Variants in UGT2B11 observed in about 807,000 individuals in gnomAD.
UGT2B11 encodes the protein UDP-glucuronosyltransferase 2B11.
UGT2B11 carries 49 observed loss-of-function variants against 51.7 expected under a neutral mutation model. The observed-to-expected ratio is 0.95, with a 90% CI of 0.75 to 1.20. UGT2B11 has a LOEUF of 1.20. Among genes scored for constraint, UGT2B11 ranks in the 50% most tolerant of loss-of-function variants. UGT2B11 has a pLI of 0.00. For missense variants in UGT2B11, 810 were observed against 622.1 expected (o/e 1.30, Z -3.21); for synonymous variants, 273 against 209.0 (o/e 1.31, Z -2.64).
intron 5 of UGT2B11, chr4:69,204,187 A>T: frequency 2.7e-6 from 1 of 375,918 alleles, no homozygotes. Context: ...TATATTATCT[A>T]TATCATTTTA....
chr4:69,204,314 T>C, intron 5 of UGT2B11, 116 bp downstream of exon 5: 2 of 1,459,570 alleles, frequency 1.4e-6, no homozygotes, highest in Non-Finnish European at 1.8e-6. Flanking sequence ...AGATTGGTTA[T>C]ATCATTTAAA....
chr4:69,204,290 A>G (rs1721767215), intron 5 of UGT2B11, 140 bp downstream of exon 5: 10 of 1,337,762 alleles, frequency 7.5e-6, no homozygotes, highest in Non-Finnish European at 1.0e-5. Flanking sequence ...GATGATAAAA[A>G]CAAAGCAGAT....
rs763711444 is a variant in UGT2B11, at chr4:69,208,428, G to A, written c.925C>T (p.Leu309=). ...GTCATGTTACTTATCACTGACCCCAGAGAAAACACCACAACACCATTTTCT... is the reference window on the plus strand; with the variant it reads ...GTCATGTTACTTATCACTGACCCCAAAGAAAACACCACAACACCATTTTCT... The part of the protein sequence containing the change: ...SGENGVVVFS[L]GSVISNMTAE... The change falls in exon 3 of 6, where the codon CTG becomes TTG. Residue 309 remains leucine, a synonymous_variant. Coordinates refer to ENST00000446444, the MANE Select transcript of UGT2B11 (RefSeq NM_001073.3). The A allele has an allele frequency of 9.3e-6, 15 of 1,610,118 alleles. No homozygotes were observed. Among genetic ancestry groups the A allele is most frequent in the Admixed American group, 3.3e-5 (2 of 59,802 alleles).
chr4:69,224,780 C>G, the UGT2B11 span, among the ~76,000 whole-genome samples: 14 of 149,996 alleles, frequency 9.3e-5, no homozygotes, highest in East Asian at 2.4e-3. Context: ...TAGGCTTTAT[C>G]GAGCAGAGTG....
chr4:69,211,900 G>T (rs148971144), intron 2 of UGT2B11, among the ~76,000 whole-genome samples: 1 of 151,120 alleles, frequency 6.6e-6, no homozygotes, highest in African/African-American at 2.4e-5. Flanking sequence ...ATATGTATCC[G>T]GCTCTAATTT....
chr4:69,213,379 G>A (rs1332952155), intron 1 of UGT2B11, among the ~76,000 whole-genome samples: 1 of 151,624 alleles, frequency 6.6e-6, no homozygotes, highest in Non-Finnish European at 1.5e-5. Context: ...AAACTATATA[G>A]ATATAACAAC....
At chr4:69,206,067 C>T (rs1721844271) in intron 3 of UGT2B11, among the ~76,000 whole-genome samples, 1 of 151,452 alleles carries the variant, frequency 6.6e-6, no homozygotes, top group African/African-American at 2.4e-5. Context: ...ACAGTGTGGC[C>T]ATTCCTCAGA....
At chr4:69,214,757 G>GT, upstream of UGT2B11, 1 of 1,597,544 alleles carries the variant, frequency 6.3e-7, no homozygotes, top group South Asian at 1.1e-5. Context: ...TCCAGTCACT[G>GT]TTTCTTTCTC....
intron 5 of UGT2B11, among the ~76,000 whole-genome samples, chr4:69,202,936 A>G (rs1055981874): frequency 2.6e-5 from 4 of 151,648 alleles, no homozygotes; most frequent in African/African-American, 7.2e-5. Flanking sequence ...GAGAGTAGTT[A>G]TAAATGCTGA....
Position 69,214,224 on chromosome 4 carries a change from G to T in UGT2B11, c.499C>A (p.Arg167=), listed in dbSNP as rs148268917. The T allele has an allele frequency of 6.2e-7, 1 of 1,613,192 alleles. No homozygotes were observed. The highest frequency in any genetic ancestry group is 8.5e-7 in the Non-Finnish European group (1 of 1,179,448). Residue 167 remains arginine, a synonymous_variant, in exon 1 of 6, where the codon CGG becomes AGG. Transcript: ENST00000446444. ...GTAAAGCGGAGACTGTACACAAACC[G>T]TATGTTAAGTAGCGCAGCCAGCAGC... ...GELLAALLNI[R]FVYSLRFTPG...
upstream of UGT2B11, chr4:69,214,871 A>G (rs545728340): frequency 3.3e-5 from 43 of 1,289,266 alleles, no homozygotes; most frequent in South Asian, 7.0e-4. Context: ...GCAAGGAGAC[A>G]AACAAAGTTC....
chr4:69,208,266 ACTCTT>A, intron 3 of UGT2B11, 80 bp downstream of exon 3: 1 of 1,586,414 alleles, frequency 6.3e-7, no homozygotes, highest in Non-Finnish European at 8.5e-7. Context: ...AGTTCACTCT[ACTCTT>A]AATATTCTTT....
the UGT2B11 span, among the ~76,000 whole-genome samples, chr4:69,222,387 C>T: frequency 1.3e-5 from 2 of 152,166 alleles, no homozygotes; most frequent in Non-Finnish European, 2.9e-5. Flanking sequence ...TTGTGGATAG[C>T]ATTGAGTAGT....
chr4:69,219,284 T>A (rs1214336612), upstream of UGT2B11, among the ~76,000 whole-genome samples: 2 of 152,146 alleles, frequency 1.3e-5, no homozygotes, highest in Non-Finnish European at 2.9e-5. Flanking sequence ...CATTTTTTAA[T>A]GGAGTTGTTT....
At chr4:69,212,798 C>G (rs1488454714) in intron 1 of UGT2B11, 77 bp from the exon 2 acceptor site, 15 of 1,486,648 alleles carry the variant, frequency 1.0e-5, no homozygotes, top group Non-Finnish European at 1.3e-5. Flanking sequence ...AAGGTTAGAA[C>G]AATGTAAGCA....
At chr4:69,222,773 T>C in the UGT2B11 span, among the ~76,000 whole-genome samples, 1 of 152,158 alleles carries the variant, frequency 6.6e-6, no homozygotes, top group Non-Finnish European at 1.5e-5. Context: ...GTTTCAAATC[T>C]TGAGAGTGAG....
chr4:69,205,794 T>C (rs1179968680), intron 3 of UGT2B11: 7 of 453,618 alleles, frequency 1.5e-5, no homozygotes, highest in Non-Finnish European at 2.5e-5. Flanking sequence ...AATAAGACTA[T>C]CAATGAAAAG....
At chr4:69,212,745 A>C (rs1306985279) in intron 1 of UGT2B11, 24 bp from the exon 2 acceptor site, 1 of 1,590,872 alleles carries the variant, frequency 6.3e-7, no homozygotes, top group African/African-American at 1.4e-5. Flanking sequence ...AGAAAAGAAA[A>C]AGTGGATGAT....
At chr4:69,204,699 T>C in intron 4 of UGT2B11, 50 bp from the exon 5 acceptor site, 2 of 1,609,226 alleles carry the variant, frequency 1.2e-6, no homozygotes, top group African/African-American at 1.3e-5. Flanking sequence ...TAAAATGAGA[T>C]GCACAATGAA....
Sources: allele counts gnomAD v4.1 joint callset (sites outside exome capture counted in the v4.1 genomes callset), GRCh38; gene constraint gnomAD v4.1.1; transcripts MANE v1.5; gene names NCBI Gene and HGNC (gene_info 2026-07-23, HGNC 2026-07-21).